The following ADAMTS12 variants were observed in gnomAD, a reference collection of about 807,000 sequenced individuals.
ADAMTS12 encodes the protein ADAM metallopeptidase with thrombospondin type 1 motif 12, also known as A disintegrin and metalloproteinase with thrombospondin motifs 12.
A neutral mutation model predicts 167.8 loss-of-function variants in ADAMTS12; 118 were observed. The ratio of observed to expected loss-of-function variants is 0.70; its 90% CI spans 0.61 to 0.82. The LOEUF (loss-of-function observed/expected upper bound fraction) is 0.82. Among genes scored for constraint, ADAMTS12 ranks in the 40% least tolerant of loss-of-function variants. ADAMTS12 has a pLI of 0.00. For missense variants in ADAMTS12, 1,916 were observed against 1,998.8 expected, an observed-to-expected ratio of 0.96 and a Z score of 0.79; for synonymous variants, 704 against 716.9, an observed-to-expected ratio of 0.98 and a Z score of 0.29.
intron 2 of ADAMTS12, among the ~76,000 whole-genome samples, chr5:33,820,515 A>G (rs1747829842): frequency 1.3e-5 from 2 of 152,184 alleles, no homozygotes; most frequent in Non-Finnish European, 1.5e-5. Flanking sequence ...GTTTATTGGT[A>G]GAGGAGATAA....
chr5:33,770,338 A>T (rs1745691221), intron 2 of ADAMTS12, among the ~76,000 whole-genome samples: 1 of 152,110 alleles, frequency 6.6e-6, no homozygotes, highest in African/African-American at 2.4e-5. Flanking sequence ...ACATTGGGGA[A>T]AACTCCATTT....
chr5:33,651,854 T>C (rs1456160591), intron 7 of ADAMTS12, among the ~76,000 whole-genome samples: 1 of 152,198 alleles, frequency 6.6e-6, no homozygotes, highest in Non-Finnish European at 1.5e-5. Flanking sequence ...TGTCTATACA[T>C]ACTCATTGTT....
At chr5:33,535,029 C>T (rs1220278964) in intron 22 of ADAMTS12, 37 bp from the exon 23 acceptor site, 17 of 1,550,620 alleles carry the variant, frequency 1.1e-5, no homozygotes, top group Non-Finnish European at 1.4e-5. Context: ...AGAAGTCCTC[C>T]CCACGACTCC....
At chr5:33,760,235 A>C (rs1745300104) in intron 2 of ADAMTS12, among the ~76,000 whole-genome samples, 1 of 152,176 alleles carries the variant, frequency 6.6e-6, no homozygotes, top group Admixed American at 6.5e-5. Flanking sequence ...GGCCCCAATT[A>C]ACACTTAGTT....
At chr5:33,676,245 G>A (rs1319379828) in intron 5 of ADAMTS12, among the ~76,000 whole-genome samples, 1 of 152,060 alleles carries the variant, frequency 6.6e-6, no homozygotes, top group African/African-American at 2.4e-5. Flanking sequence ...AATTGTTCTC[G>A]CTCTTTGTAA....
At chr5:33,856,215 C>A (rs1375918894) in intron 2 of ADAMTS12, among the ~76,000 whole-genome samples, 1 of 152,160 alleles carries the variant, frequency 6.6e-6, no homozygotes, top group African/African-American at 2.4e-5. Context: ...GGAAAAGGAT[C>A]TGTTGAATAA....
chr5:33,585,663 C>T (rs72737399), intron 18 of ADAMTS12, among the ~76,000 whole-genome samples: 10,228 of 152,244 alleles, frequency 0.067, 475 homozygotes, highest in Non-Finnish European at 0.1. Flanking sequence ...CAATAGAGTT[C>T]CCTTCTTTAC....
intron 3 of ADAMTS12, among the ~76,000 whole-genome samples, chr5:33,721,963 C>T (rs979738960): frequency 1.3e-5 from 2 of 152,180 alleles, no homozygotes; most frequent in African/African-American, 2.4e-5. Flanking sequence ...AAATAAGCAG[C>T]AGGATCGGTA....
At chr5:33,856,791 T>A (rs1217830921) in intron 2 of ADAMTS12, among the ~76,000 whole-genome samples, 1 of 152,154 alleles carries the variant, frequency 6.6e-6, no homozygotes, top group Non-Finnish European at 1.5e-5. Context: ...AACCCTTGTA[T>A]CCTGCTGGTG....
At position 33,685,079 on chromosome 5, in the gene ADAMTS12, C is replaced by T. The variant is rs562850677; in HGVS notation, c.635-1024G>A. Among the ~76,000 whole-genome samples, 3 of 152,336 alleles carry T rather than the reference C, an allele frequency of 2.0e-5. No individual in the cohort carries two copies. In the South Asian group the frequency reaches 6.2e-4, roughly 32 times the overall value. ...AGCCTGGGCTGATACAGGGCAGCGC[C>T]TGGGTCTTTGAAGATTCCTATCAGG... On this transcript the variant is annotated intron_variant, in intron 3 of 23. Transcript: ENST00000504830.
At position 33,831,385 on chromosome 5, in the gene ADAMTS12, T is replaced by C. The variant is rs376020012; in HGVS notation, c.489+49734A>G. On this transcript the variant is annotated intron_variant, in intron 2 of 23. Transcript: ENST00000504830. Reference sequence around the variant, plus strand: ...CTCCACCACTAAAACCACTCTACTATACTGTCTCTTAAAGGATGGTGAGTT... The same window carrying C: ...CTCCACCACTAAAACCACTCTACTACACTGTCTCTTAAAGGATGGTGAGTT... 2.2e-4 allele frequency among the ~76,000 whole-genome samples: 34 copies of C among 152,348 alleles called. No homozygotes were observed. The East Asian group carries it at 2.3e-3, about 10-fold the overall frequency.
chr5:33,875,958 C>T (rs534027873), intron 2 of ADAMTS12, among the ~76,000 whole-genome samples: 1 of 152,136 alleles, frequency 6.6e-6, no homozygotes, highest in Admixed American at 6.5e-5. Flanking sequence ...GACAGTTTAG[C>T]AAATTCACAG....
chr5:33,603,647 G>A (rs930751272), intron 16 of ADAMTS12: 5 of 152,162 alleles, frequency 3.3e-5, no homozygotes, highest in Non-Finnish European at 5.9e-5. Flanking sequence ...GCACTAAACT[G>A]TGGAAAGTCG....
chr5:33,629,960 C>A (rs57421208), intron 13 of ADAMTS12, among the ~76,000 whole-genome samples: 52,378 of 151,770 alleles, frequency 0.35, 10,157 homozygotes, highest in African/African-American at 0.54. Flanking sequence ...GACAACCCCA[C>A]CTAGGCAGAT....
In ADAMTS12 at chr5:33,643,371, G is replaced by C. The variant is rs73758932; in HGVS notation, c.1572+7C>G. On this transcript the variant is annotated splice_region_variant and intron_variant, in intron 10 of 23. Transcript: ENST00000504830. Reference sequence around the variant, plus strand: ...CTCCCACCTCATTCCTCGGCCTGACGCATCACCTTCTTCTCACCACATTGA... The same window carrying C: ...CTCCCACCTCATTCCTCGGCCTGACCCATCACCTTCTTCTCACCACATTGA... 6.2e-7 allele frequency: 1 copy of C among 1,613,864 alleles called. No homozygotes were observed. The highest frequency in any genetic ancestry group is 8.5e-7 in the Non-Finnish European group (1 of 1,179,848).
chr5:33,851,976 T>C (rs921906839), intron 2 of ADAMTS12, among the ~76,000 whole-genome samples: 1 of 152,244 alleles, frequency 6.6e-6, no homozygotes, highest in Non-Finnish European at 1.5e-5. Flanking sequence ...GAGTGGCACA[T>C]TCCCCATATT....
intron 18 of ADAMTS12, among the ~76,000 whole-genome samples, chr5:33,582,808 A>G (rs928064273): frequency 1.3e-5 from 2 of 152,216 alleles, no homozygotes; most frequent in African/African-American, 4.8e-5. Flanking sequence ...CTTTTGCTAT[A>G]AAAAACATTT....
chr5:33,665,500 A>G (rs1307566786), intron 5 of ADAMTS12, among the ~76,000 whole-genome samples: 1 of 152,216 alleles, frequency 6.6e-6, no homozygotes, highest in Non-Finnish European at 1.5e-5. Context: ...ACCAAAAATA[A>G]ATACAATTTT....
intron 2 of ADAMTS12, among the ~76,000 whole-genome samples, chr5:33,787,129 C>G (rs750684314): frequency 3.3e-5 from 5 of 151,938 alleles, no homozygotes; most frequent in Non-Finnish European, 7.4e-5. Flanking sequence ...CATTGTCATT[C>G]TTTACTCAGT....
Sources: allele counts gnomAD v4.1 joint callset (sites outside exome capture counted in the v4.1 genomes callset), GRCh38; gene constraint gnomAD v4.1.1; transcripts MANE v1.5; gene names NCBI Gene and HGNC (gene_info 2026-07-23, HGNC 2026-07-21).